The following ZFHX3 variants were observed in gnomAD, a reference collection of about 807,000 sequenced individuals.
ZFHX3 encodes the protein zinc finger homeobox protein 3.
In ZFHX3, 42 loss-of-function variants were observed where a neutral mutation model predicts 279.1. The ratio of observed to expected loss-of-function variants is 0.15; its 90% CI spans 0.12 to 0.19. The LOEUF (loss-of-function observed/expected upper bound fraction) is 0.19, where lower values mean the gene tolerates loss of function less well. ZFHX3 is among the 10% of genes least tolerant of loss of function. The pLI, the probability that ZFHX3 is intolerant of heterozygous loss-of-function variation, is 1.00. For synonymous variants in ZFHX3, 2,293 were observed against 1,957.8 expected, an observed-to-expected ratio of 1.17 and a Z score of -4.52; for missense variants, 4,981 against 4,754.0, an observed-to-expected ratio of 1.05 and a Z score of -1.40.
At chr16:73,566,057 T>G (rs548329877) in intron 2 of ZFHX3, among the ~76,000 whole-genome samples, 1 of 152,216 alleles carries the variant, frequency 6.6e-6, no homozygotes. Context: ...TGCAGAGCTG[T>G]GGCAATGCTG....
intron 2 of ZFHX3, among the ~76,000 whole-genome samples, chr16:73,469,853 T>C (rs565749140): frequency 1.3e-5 from 2 of 152,232 alleles, no homozygotes; most frequent in African/African-American, 4.8e-5. Flanking sequence ...CCTGACCTCG[T>C]GATGCACCCG....
intron 1 of ZFHX3, among the ~76,000 whole-genome samples, chr16:73,680,703 T>C (rs1237730454): frequency 6.6e-6 from 1 of 152,172 alleles, no homozygotes; most frequent in African/African-American, 2.4e-5. Context: ...AAGTTGAGGA[T>C]GAAACTGAAT....
intron 2 of ZFHX3, among the ~76,000 whole-genome samples, chr16:73,583,444 G>GAT (rs2051882772): frequency 6.6e-6 from 1 of 152,220 alleles, no homozygotes; most frequent in African/African-American, 2.4e-5. Flanking sequence ...GGACCCCAGA[G>GAT]ATACCAGTTT....
At chr16:73,331,840 A>C (rs1368504040) in intron 3 of ZFHX3, among the ~76,000 whole-genome samples, 1 of 152,220 alleles carries the variant, frequency 6.6e-6, no homozygotes, top group African/African-American at 2.4e-5. Context: ...TGGGGGTTAG[A>C]AAAAGACGTG....
At chr16:73,221,948 T>C (rs1435101808) in intron 5 of ZFHX3, among the ~76,000 whole-genome samples, 1 of 152,132 alleles carries the variant, frequency 6.6e-6, no homozygotes, top group Non-Finnish European at 1.5e-5. Context: ...TTTTATTTAA[T>C]AAAGTTAAAT....
chr16:72,935,857 C>A (rs1272623467), intron 3 of ZFHX3, among the ~76,000 whole-genome samples: 1 of 152,076 alleles, frequency 6.6e-6, no homozygotes, highest in South Asian at 2.1e-4. Flanking sequence ...CAGATCCCAC[C>A]GGTAAGGATC....
intron 3 of ZFHX3, among the ~76,000 whole-genome samples, chr16:73,447,098 A>G (rs1392374768): frequency 2.0e-5 from 3 of 151,144 alleles, no homozygotes; most frequent in African/African-American, 7.3e-5. Context: ...GGAGAATGGC[A>G]TGAACCCGGG....
rs368955836 is a variant in ZFHX3 at position 73,600,566 on chromosome 16, C to T, written c.-1547+79614G>A. ...CCAAGTAGCTGGGACTACAGGCGCCCGCCACCACGCCCGGCCAATGTTTTT... is the reference window on the plus strand; with the variant it reads ...CCAAGTAGCTGGGACTACAGGCGCCTGCCACCACGCCCGGCCAATGTTTTT... On this transcript the variant is annotated intron_variant, in intron 2 of 17. Transcript: ENST00000641206. Among the ~76,000 whole-genome samples the T allele has an allele frequency of 6.6e-5, 10 of 151,980 alleles. No homozygotes were observed. The East Asian group carries it at 1.4e-3, about 21-fold the overall frequency.
At position 73,148,555 on chromosome 16, in the gene ZFHX3, C is replaced by CTTTTTTTTTT. The variant is rs36018349; in HGVS notation, c.-1103-4734_-1103-4725dup. Among the ~76,000 whole-genome samples, 6 of 55,382 alleles carry CTTTTTTTTTT rather than the reference C, an allele frequency of 1.1e-4. 1 individual carries two copies. Among genetic ancestry groups the CTTTTTTTTTT allele is most frequent in the Non-Finnish European group, 1.3e-4 (4 of 30,860 alleles). 36.3% of individuals were successfully genotyped at this position (55,382 alleles called of 152,430 possible). A position where few individuals can be genotyped will look rare whatever the true frequency, so the allele number is the denominator to read the frequency against. On this transcript the variant is annotated intron_variant, in intron 5 of 17. Coordinates refer to the ZFHX3 transcript ENST00000641206. ...GCGCCTTCGTCTGGCAAATGCTGGG[C>CTTTTTTTTTT]TTTTTTTTTTTTTTTTTTTTTTTTT... is the stretch of plus-strand genomic sequence containing the variant.
intron 1 of ZFHX3, among the ~76,000 whole-genome samples, chr16:73,876,378 T>C (rs1001211940): frequency 3.3e-5 from 5 of 152,200 alleles, no homozygotes; most frequent in African/African-American, 9.6e-5. Context: ...ACGATGACCA[T>C]CTGTATGCAT....
chr16:73,118,442 C>T (rs1966457664), intron 7 of ZFHX3, among the ~76,000 whole-genome samples: 1 of 152,092 alleles, frequency 6.6e-6, no homozygotes, highest in Non-Finnish European at 1.5e-5. Context: ...CTTTTCACCT[C>T]AGGTGATCTA....
intron 3 of ZFHX3, among the ~76,000 whole-genome samples, chr16:73,440,659 T>G (rs961628970): frequency 6.6e-6 from 1 of 152,190 alleles, no homozygotes; most frequent in Non-Finnish European, 1.5e-5. Context: ...TCTATGCAGC[T>G]AATTCCAATT....
At chr16:72,851,452 T>A (rs896391519) in intron 4 of ZFHX3, among the ~76,000 whole-genome samples, 2 of 152,182 alleles carry the variant, frequency 1.3e-5, no homozygotes, top group Non-Finnish European at 1.5e-5. Flanking sequence ...AAAGTCCCAG[T>A]GTACTTCTGA....
intron 1 of ZFHX3, among the ~76,000 whole-genome samples, chr16:73,783,147 G>C (rs974010934): frequency 6.6e-6 from 1 of 152,154 alleles, no homozygotes; most frequent in Non-Finnish European, 1.5e-5. Flanking sequence ...TGATGGCTCA[G>C]AGCTGAGTAC....
intron 3 of ZFHX3, among the ~76,000 whole-genome samples, chr16:73,435,890 G>A (rs1257532132): frequency 1.3e-5 from 2 of 152,208 alleles, no homozygotes; most frequent in Non-Finnish European, 2.9e-5. Context: ...ATCCTGCCTG[G>A]TGTCTGCACC....
At chr16:73,158,758 G>C (rs1967156581) in intron 5 of ZFHX3, among the ~76,000 whole-genome samples, 1 of 152,094 alleles carries the variant, frequency 6.6e-6, no homozygotes, top group African/African-American at 2.4e-5. Context: ...AGAATAGAGA[G>C]CCCAGAAATA....
At chr16:73,724,512 G>T (rs78645988) in intron 1 of ZFHX3, among the ~76,000 whole-genome samples, 2 of 152,104 alleles carry the variant, frequency 1.3e-5, no homozygotes, top group Non-Finnish European at 2.9e-5. Context: ...GGCCACAGTG[G>T]GCTGTCTGGC....
chr16:73,570,094 T>C (rs1315333744), intron 2 of ZFHX3, among the ~76,000 whole-genome samples: 1 of 152,212 alleles, frequency 6.6e-6, no homozygotes, highest in East Asian at 1.9e-4. Flanking sequence ...AACTGGACTT[T>C]AACAAAGCTT....
At chr16:73,050,951 G>A (rs1965437072), upstream of ZFHX3, among the ~76,000 whole-genome samples, 2 of 152,294 alleles carry the variant, frequency 1.3e-5, no homozygotes, top group South Asian at 2.1e-4. Context: ...CCCTAACGCT[G>A]AGCTGGCTGG....
Sources: gnomAD v4.1 joint callset for allele counts (sites outside exome capture counted in the v4.1 genomes callset) on GRCh38, gnomAD v4.1.1 for gene constraint, MANE v1.5 for transcripts, NCBI Gene and HGNC (gene_info 2026-07-23, HGNC 2026-07-21) for gene names.